The following OPCML variants were observed in gnomAD, a reference collection of about 807,000 sequenced individuals.
The protein encoded by OPCML is opioid binding protein/cell adhesion molecule like, also known as opioid-binding protein/cell adhesion molecule.
OPCML carries 13 observed loss-of-function variants against 37.8 expected under a neutral mutation model. The ratio of observed to expected loss-of-function variants is 0.34; its 90% CI spans 0.22 to 0.55. The LOEUF is 0.55. Among genes scored for constraint, OPCML ranks in the 20% least tolerant of loss-of-function variants. OPCML has a pLI of 0.91. For synonymous variants in OPCML, 176 were observed against 168.8 expected (o/e 1.04, Z -0.33); for missense variants, 341 against 435.6 (o/e 0.78, Z 1.93).
At chr11:132,554,883 T>TTTTTTTTTTTTTTTTTTTTTTTTTC (rs1255603307) in intron 3 of OPCML, among the ~76,000 whole-genome samples, 6 of 125,662 alleles carry the variant, frequency 4.8e-5, no homozygotes, top group Non-Finnish European at 8.3e-5. Flanking sequence ...TTTTTTTTTT[T>TTTTTTTTTTTTTTTTTTTTTTTTTC]TTTTTTTTCA....
At chr11:132,849,357 T>C (rs1238642650) in intron 2 of OPCML, among the ~76,000 whole-genome samples, 1 of 152,120 alleles carries the variant, frequency 6.6e-6, no homozygotes, top group East Asian at 1.9e-4. Flanking sequence ...CCAACACATG[T>C]TATTGAGGAC....
intron 4 of OPCML, among the ~76,000 whole-genome samples, chr11:132,472,269 T>C (rs1313962780): frequency 6.6e-6 from 1 of 152,182 alleles, no homozygotes; most frequent in Non-Finnish European, 1.5e-5. Context: ...AGACAGTATC[T>C]CATTTGTCTC....
chr11:132,634,883 C>T (rs928204417), intron 3 of OPCML, among the ~76,000 whole-genome samples: 1 of 151,842 alleles, frequency 6.6e-6, no homozygotes, highest in Non-Finnish European at 1.5e-5. Flanking sequence ...GGCCGATACA[C>T]TCAGGACTAG....
chr11:133,069,107 A>T (rs565044875), intron 1 of OPCML, among the ~76,000 whole-genome samples: 1 of 152,336 alleles, frequency 6.6e-6, no homozygotes, highest in East Asian at 1.9e-4. Context: ...TAGTAAAAAG[A>T]ACGCTTGAAT....
intron 3 of OPCML, among the ~76,000 whole-genome samples, chr11:132,568,002 G>T (rs73036845): frequency 0.024 from 3,686 of 152,038 alleles, 111 homozygotes; most frequent in East Asian, 0.055. Flanking sequence ...AAAATAGAAA[G>T]GGGTCCCTGG....
chr11:133,167,143 G>A (rs1653728433), intron 1 of OPCML, among the ~76,000 whole-genome samples: 1 of 152,190 alleles, frequency 6.6e-6, no homozygotes, highest in Non-Finnish European at 1.5e-5. Flanking sequence ...AGGATTCAGA[G>A]TTGGTGGCCG....
intron 1 of OPCML, among the ~76,000 whole-genome samples, chr11:133,049,536 G>A (rs1036220862): frequency 2.0e-5 from 3 of 152,174 alleles, no homozygotes; most frequent in Non-Finnish European, 4.4e-5. Flanking sequence ...CTATTTGAAT[G>A]TTAAAAAATC....
chr11:133,042,981 T>A (rs2136949880), intron 1 of OPCML, among the ~76,000 whole-genome samples: 1 of 152,230 alleles, frequency 6.6e-6, no homozygotes, highest in Middle Eastern at 3.4e-3. Context: ...ACTGAAAAGA[T>A]TTCCTGCAAA....
chr11:133,041,919 AG>A (rs2136947334), intron 1 of OPCML, among the ~76,000 whole-genome samples: 1 of 152,202 alleles, frequency 6.6e-6, no homozygotes, highest in South Asian at 2.1e-4. Flanking sequence ...ATTCCACAGA[AG>A]GGGCTGCGAG....
At chr11:133,417,640 C>T (rs1319829955) in intron 1 of OPCML, among the ~76,000 whole-genome samples, 7 of 150,818 alleles carry the variant, frequency 4.6e-5, no homozygotes, top group African/African-American at 9.9e-5. Context: ...CCCACTCCCC[C>T]GACCCCACAG....
intron 2 of OPCML, among the ~76,000 whole-genome samples, chr11:132,852,909 A>G (rs1245231366): frequency 1.3e-5 from 2 of 152,096 alleles, no homozygotes; most frequent in Admixed American, 1.3e-4. Flanking sequence ...GTTGTTAAAA[A>G]AAAAAAAAAA....
chr11:133,343,267 C>T (rs1425681285), intron 1 of OPCML, among the ~76,000 whole-genome samples: 3 of 152,144 alleles, frequency 2.0e-5, no homozygotes, highest in Non-Finnish European at 2.9e-5. Flanking sequence ...CTCCGTGACT[C>T]GGGGGTTCTT....
chr11:133,003,712 C>T (rs1363585650), intron 1 of OPCML: 2 of 985,282 alleles, frequency 2.0e-6, no homozygotes, highest in Non-Finnish European at 2.4e-6. Context: ...GAATTAAAGT[C>T]CCTACTTCTT....
chr11:132,674,263 T>C (rs1942606720), intron 2 of OPCML, among the ~76,000 whole-genome samples: 1 of 152,158 alleles, frequency 6.6e-6, no homozygotes, highest in Non-Finnish European at 1.5e-5. Context: ...CAGAGAGAAC[T>C]AGAGAGGCTT....
chr11:132,486,121 C>T (rs1258732191), intron 4 of OPCML, among the ~76,000 whole-genome samples: 1 of 152,182 alleles, frequency 6.6e-6, no homozygotes, highest in Non-Finnish European at 1.5e-5. Context: ...TGCCTTAATA[C>T]TCATAAAAGC....
intron 7 of OPCML, among the ~76,000 whole-genome samples, chr11:132,429,980 T>C (rs1017046587): frequency 4.6e-5 from 7 of 151,908 alleles, no homozygotes; most frequent in Admixed American, 1.3e-4. Context: ...CCCGGTTATA[T>C]CACATAAGCC....
At chr11:133,451,790 T>C (rs1431506424) in intron 1 of OPCML, among the ~76,000 whole-genome samples, 1 of 151,014 alleles carries the variant, frequency 6.6e-6, no homozygotes, top group Non-Finnish European at 1.5e-5. Flanking sequence ...TGCAGTGAGC[T>C]GAGACCACAC....
At chr11:132,909,415 C>T (rs1206457088) in intron 2 of OPCML, among the ~76,000 whole-genome samples, 5 of 152,196 alleles carry the variant, frequency 3.3e-5, no homozygotes, top group South Asian at 2.1e-4. Flanking sequence ...AGAAGAGAAA[C>T]GTGTGAGGCT....
intron 1 of OPCML, among the ~76,000 whole-genome samples, chr11:132,974,902 C>G (rs144569058): frequency 3.4e-3 from 523 of 151,746 alleles, no homozygotes; most frequent in African/African-American, 0.012. Context: ...CTTCAAGGCT[C>G]TGTTTAAGGC....
Sources: allele counts gnomAD v4.1 joint callset (sites outside exome capture counted in the v4.1 genomes callset), GRCh38; gene constraint gnomAD v4.1.1; transcripts MANE v1.5; gene names NCBI Gene and HGNC (gene_info 2026-07-23, HGNC 2026-07-21).